Variants in PCDHGB1 observed in about 807,000 individuals in gnomAD.
The protein encoded by PCDHGB1 is protocadherin gamma subfamily B, 1.
In PCDHGB1, 34 loss-of-function variants were observed where a neutral mutation model predicts 56.6. The ratio of observed to expected loss-of-function variants is 0.60; its 90% CI spans 0.46 to 0.80. The LOEUF (loss-of-function observed/expected upper bound fraction) is 0.80, where lower values mean the gene tolerates loss of function less well. PCDHGB1 is among the 30% of genes least tolerant of loss of function. The probability of loss-of-function intolerance (pLI) is 0.00; values close to 1 mark genes in which losing one functional copy is unlikely to be tolerated. For synonymous variants in PCDHGB1, 561 were observed against 505.9 expected (o/e 1.11, Z -1.46); for missense variants, 1,278 against 1,204.6 (o/e 1.06, Z -0.90).
At chr5:141,470,957 TCCTCCCACCTCAG>T (rs2099244488) in intron 1 of PCDHGB1, among the ~76,000 whole-genome samples, 1 of 152,026 alleles carries the variant, frequency 6.6e-6, no homozygotes, top group South Asian at 2.1e-4. Flanking sequence ...CCTCAAGTGA[TCCTCCCACCTCAG>T]CCTCCCAAAG....
chr5:141,439,709 A>G (rs2098127560), intron 1 of PCDHGB1: 1 of 152,540 alleles, frequency 6.6e-6, no homozygotes, highest in African/African-American at 2.4e-5. Context: ...TATGGCTCCT[A>G]GTTCTACAAA....
At chr5:141,374,437 C>T in intron 1 of PCDHGB1, 2 of 1,613,846 alleles carry the variant, frequency 1.2e-6, no homozygotes, top group Non-Finnish European at 1.7e-6. Context: ...ATCTTTATCC[C>T]GTGGAAGTGG....
At chr5:141,388,459 C>G in intron 1 of PCDHGB1, 1 of 1,613,696 alleles carries the variant, frequency 6.2e-7, no homozygotes, top group Non-Finnish European at 8.5e-7. Flanking sequence ...AGTAAATACC[C>G]TGAGATGGTA....
rs968865313 is a variant in PCDHGB1, at chr5:141,511,294, C to T, written c.*121C>T. 1 of 1,506,752 alleles carries T rather than the reference C, an allele frequency of 6.6e-7. No individual in the cohort carries two copies. Among genetic ancestry groups the T allele is most frequent in the Non-Finnish European group, 8.9e-7 (1 of 1,123,692 alleles). 93.3% of individuals were successfully genotyped at this position (1,506,752 alleles called of 1,614,324 possible). On this transcript the variant is annotated 3_prime_UTR_variant, in exon 4 of 4. Coordinates refer to ENST00000523390, the MANE Select transcript of PCDHGB1 (RefSeq NM_018922.3). ...CCCAGAATACTGGTAGGGGCCAAGG[C>T]CATGCTCCCCTTGGGAAACAGAAAC...
At chr5:141,433,084 T>G in intron 1 of PCDHGB1, 1 of 1,614,184 alleles carries the variant, frequency 6.2e-7, no homozygotes, top group Non-Finnish European at 8.5e-7. Flanking sequence ...AGCCCAACTA[T>G]GCAGACATGC....
chr5:141,405,103 G>A (rs368202826), intron 1 of PCDHGB1: 2 of 1,613,922 alleles, frequency 1.2e-6, no homozygotes, highest in Non-Finnish European at 1.7e-6. Flanking sequence ...TCAGGCTGAG[G>A]CACTGGCACT....
chr5:141,377,114 GA>G (rs1209005663), intron 1 of PCDHGB1: 4 of 152,232 alleles, frequency 2.6e-5, no homozygotes, highest in African/African-American at 9.7e-5. Flanking sequence ...AGAATGTTCT[GA>G]AGTCTTAATT....
chr5:141,371,213 C>A, intron 1 of PCDHGB1: 1 of 1,614,002 alleles, frequency 6.2e-7, no homozygotes, highest in Non-Finnish European at 8.5e-7. Flanking sequence ...ATGAGGGCAT[C>A]AATGCCGAAA....
chr5:141,467,095 C>G (rs930625426), intron 1 of PCDHGB1, among the ~76,000 whole-genome samples: 2 of 150,094 alleles, frequency 1.3e-5, no homozygotes, highest in African/African-American at 4.9e-5. Context: ...CTCTGTCACA[C>G]AGGCTGGAGT....
chr5:141,435,929 G>A (rs926025053), intron 1 of PCDHGB1, among the ~76,000 whole-genome samples: 10 of 152,134 alleles, frequency 6.6e-5, no homozygotes, highest in African/African-American at 2.4e-4. Flanking sequence ...TGCGGCAGTT[G>A]CTGCTTCTGA....
Position 141,485,955 on chromosome 5 carries a change from T to C in PCDHGB1, c.2410-8852T>C. 1 of 1,614,152 alleles carries C rather than the reference T, an allele frequency of 6.2e-7. No homozygotes were observed. Among genetic ancestry groups the C allele is most frequent in the Non-Finnish European group, 8.5e-7 (1 of 1,180,018 alleles). On this transcript the variant is annotated intron_variant, in intron 1 of 3. Transcript: ENST00000523390. This position sits in a 1 kb window ranked among gnomAD's most constrained non-coding sequence, Gnocchi z 5.7. ...GAGAGCGCACCAGCGGGCATGGTGC[T>C]CATCCAGCTCAATGCCTCAGACCCG...
intron 1 of PCDHGB1, chr5:141,400,039 C>T: frequency 6.2e-7 from 1 of 1,613,512 alleles, no homozygotes; most frequent in Non-Finnish European, 8.5e-7. Context: ...CCGCCAGCGC[C>T]TGCTGGTTGC....
intron 1 of PCDHGB1, chr5:141,441,249 T>TA (rs981387539): frequency 2.0e-5 from 3 of 152,206 alleles, no homozygotes. Context: ...ACAAGATCTT[T>TA]AAATCACAAG....
chr5:141,417,713 C>G, intron 1 of PCDHGB1: 1 of 1,271,750 alleles, frequency 7.9e-7, no homozygotes, highest in Non-Finnish European at 1.1e-6. Flanking sequence ...CAGAGGCTCC[C>G]GGCTGCGCAG....
At chr5:141,389,424 G>T in intron 1 of PCDHGB1, 1 of 1,613,510 alleles carries the variant, frequency 6.2e-7, no homozygotes, top group Non-Finnish European at 8.5e-7. Context: ...GGTGGTGTTC[G>T]CGCAGCGCGC....
chr5:141,370,281 A>G lies in PCDHGB1; in HGVS notation c.2409+17612A>G, dbSNP rs184302654. The G allele has an allele frequency of 3.3e-5, 30 of 916,904 alleles. No individual in the cohort carries two copies. In the Admixed American group the frequency reaches 8.3e-4, roughly 25 times the overall value. 56.8% of individuals were successfully genotyped at this position (916,904 alleles called of 1,614,324 possible). On this transcript the variant is annotated intron_variant, in intron 1 of 3. Coordinates refer to ENST00000523390, the MANE Select transcript of PCDHGB1 (RefSeq NM_018922.3). ...GCTTCCTGCAGCGGAGACACCCATTAGAGAACCCAAGCACAAAGACAAAGC... is the reference window on the plus strand; with the variant it reads ...GCTTCCTGCAGCGGAGACACCCATTGGAGAACCCAAGCACAAAGACAAAGC...
In PCDHGB1 at chr5:141,485,849, G is replaced by A. The variant is rs777288674; in HGVS notation, c.2410-8958G>A. ...AGGGAACCCGCCGAGATCTGGCACC[G>A]CAGAGCTCCGGGTATCCGTGCTGGA... On this transcript the variant is annotated intron_variant, in intron 1 of 3. Transcript: ENST00000523390. The surrounding 1 kb of genome is among the most constrained non-coding windows in gnomAD (Gnocchi z 5.7). 3 of 1,614,130 alleles carry A rather than the reference G, an allele frequency of 1.9e-6. No individual in the cohort carries two copies. In the South Asian group the frequency reaches 3.3e-5, roughly 18 times the overall value.
intron 1 of PCDHGB1, chr5:141,415,649 A>T: frequency 1.9e-6 from 3 of 1,597,710 alleles, no homozygotes; most frequent in Non-Finnish European, 2.6e-6. Context: ...GTTAAAAAAA[A>T]AAAGATTGGT....
rs2099687715 is a variant in PCDHGB1, at chr5:141,489,479, T to G, written c.2410-5328T>G. 1.2e-6 allele frequency: 2 copies of G among 1,614,090 alleles called. No individual in the cohort carries two copies. The highest frequency in any genetic ancestry group is 1.7e-6 in the Non-Finnish European group (2 of 1,180,010). ...GGGCGCTATTTTTCCCTGAGCTTGATGAGTGGTGCCCTGGCAGTGAATCAA... is the reference window on the plus strand; with the variant it reads ...GGGCGCTATTTTTCCCTGAGCTTGAGGAGTGGTGCCCTGGCAGTGAATCAA... On this transcript the variant is annotated intron_variant, in intron 1 of 3. Transcript: ENST00000523390. This position sits in a 1 kb window ranked among gnomAD's most constrained non-coding sequence, Gnocchi z 4.5.
Sources: allele counts gnomAD v4.1 joint callset (sites outside exome capture counted in the v4.1 genomes callset), GRCh38; gene constraint gnomAD v4.1.1; non-coding constraint Gnocchi (gnomAD v3.1); transcripts MANE v1.5; gene names NCBI Gene and HGNC (gene_info 2026-07-23, HGNC 2026-07-21).